KCNH2: variants seen among roughly 807,000 people sequenced by gnomAD.
KCNH2 encodes the protein voltage-gated inwardly rectifying potassium channel KCNH2.
Under a neutral mutation model 95.9 loss-of-function variants are expected in KCNH2, and 35 were observed. The observed-to-expected ratio is 0.37, with a 90% CI of 0.28 to 0.48. The LOEUF is 0.48. KCNH2 is among the 20% of genes least tolerant of loss of function. The pLI, the probability that KCNH2 is intolerant of heterozygous loss-of-function variation, is 0.99. For missense variants in KCNH2, 1,274 were observed against 1,702.9 expected (o/e 0.75, Z 4.43); for synonymous variants, 786 against 754.7 (o/e 1.04, Z -0.68).
chr7:150,967,952 A>G (rs1013074614), intron 2 of KCNH2, among the ~76,000 whole-genome samples: 2 of 152,258 alleles, frequency 1.3e-5, no homozygotes, highest in African/African-American at 4.8e-5. Flanking sequence ...AAAGACGGCG[A>G]CGTCAAAATT....
chr7:150,977,067 A>G (rs1801997491), intron 1 of KCNH2, among the ~76,000 whole-genome samples: 1 of 152,106 alleles, frequency 6.6e-6, no homozygotes, highest in Admixed American at 6.5e-5. Context: ...CATTTGCCTA[A>G]TCTGGGACCC....
At chr7:150,955,464 G>C (rs771048971) in intron 5 of KCNH2, 2 of 1,561,218 alleles carry the variant, frequency 1.3e-6, no homozygotes, top group African/African-American at 1.4e-5. Context: ...CTGGGCCGCA[G>C]AGCCCCTGTC....
chr7:150,947,064 G>A lies in KCNH2; in HGVS notation c.3153-10C>T. The A allele has an allele frequency of 6.6e-7, 1 of 1,521,034 alleles. No individual in the cohort carries two copies. Among genetic ancestry groups the A allele is most frequent in the Non-Finnish European group, 8.9e-7 (1 of 1,123,652 alleles). 94.2% of individuals were successfully genotyped at this position (1,521,034 alleles called of 1,614,324 possible). On this transcript the variant is annotated splice_polypyrimidine_tract_variant and intron_variant, in intron 13 of 14. Coordinates refer to ENST00000262186, the MANE Select transcript of KCNH2 (RefSeq NM_000238.4). ...CAGCCGGGTCTCCAGCCTGGGGCAG[G>A]AAGTGGGGGATGCTCAGAGAAGTGG...
In KCNH2 at chr7:150,946,946, G is replaced by A. The variant is rs1584841732; in HGVS notation, c.3261C>T (p.Gly1087=). ...GCAACAGCGGGGATGTGGAAGTGGGGCCAGGCCCCGGGGTGGTCACAGCAC... is the reference window on the plus strand; with the variant it reads ...GCAACAGCGGGGATGTGGAAGTGGGACCAGGCCCCGGGGTGGTCACAGCAC... ...AYSAVTTPGP[G]PTSTSPLLPV... The change falls in exon 14 of 15, where the codon GGC becomes GGT. Residue 1087 remains glycine (G), a synonymous_variant. Coordinates refer to ENST00000262186, the MANE Select transcript of KCNH2 (RefSeq NM_000238.4). The surrounding 1 kb of genome is among the most constrained non-coding windows in gnomAD (Gnocchi z 6.5). 6.2e-7 allele frequency: 1 copy of A among 1,604,258 alleles called. No individual in the cohort carries two copies. Among genetic ancestry groups the A allele is most frequent in the South Asian group, 1.1e-5 (1 of 90,030 alleles).
At chr7:150,953,673 T>C (rs987021157) in intron 5 of KCNH2, among the ~76,000 whole-genome samples, 1 of 152,168 alleles carries the variant, frequency 6.6e-6, no homozygotes, top group African/African-American at 2.4e-5. Flanking sequence ...CACGTCCCTC[T>C]TGCTCCCAAG....
intron 5 of KCNH2, among the ~76,000 whole-genome samples, chr7:150,956,155 C>T (rs897046886): frequency 3.9e-5 from 6 of 152,128 alleles, no homozygotes; most frequent in East Asian, 1.9e-4. Context: ...CCGCAACTCA[C>T]GGGCACATGC....
At chr7:150,969,475 G>A (rs1801784370) in intron 2 of KCNH2, among the ~76,000 whole-genome samples, 1 of 142,660 alleles carries the variant, frequency 7.0e-6, no homozygotes. Context: ...GTGAAGCTGG[G>A]AGCCCCCAGA....
At chr7:150,959,041 C>A (rs1801479383) in intron 3 of KCNH2, among the ~76,000 whole-genome samples, 1 of 152,208 alleles carries the variant, frequency 6.6e-6, no homozygotes. Context: ...GGAAGGGGCT[C>A]CGAGCCTTTG....
At chr7:150,956,262 C>T (rs1217134572) in intron 5 of KCNH2, among the ~76,000 whole-genome samples, 2 of 152,076 alleles carry the variant, frequency 1.3e-5, no homozygotes, top group Non-Finnish European at 2.9e-5. Context: ...CAGATAAGGG[C>T]CTGGGGTGAG....
rs919504706 is a variant in KCNH2 at position 150,961,571 on chromosome 7, A to T, written c.308-1835T>A. 6.6e-6 allele frequency among the ~76,000 whole-genome samples: 1 copy of T among 152,056 alleles called. No individual in the cohort carries two copies. Among genetic ancestry groups the T allele is most frequent in the African/African-American group, 2.4e-5 (1 of 41,392 alleles). On this transcript the variant is annotated intron_variant, in intron 2 of 14. Transcript: ENST00000262186. The surrounding 1 kb of genome is among the most constrained non-coding windows in gnomAD (Gnocchi z 6.2). ...TGCCTCGGCCTCCCAAAGTGCAAGGATTACAGGTGTGAGCCACCGCACCCA... is the reference window on the plus strand; with the variant it reads ...TGCCTCGGCCTCCCAAAGTGCAAGGTTTACAGGTGTGAGCCACCGCACCCA...
At chr7:150,963,734 G>A (rs926170905) in intron 2 of KCNH2, among the ~76,000 whole-genome samples, 2 of 152,190 alleles carry the variant, frequency 1.3e-5, no homozygotes, top group South Asian at 2.1e-4. Flanking sequence ...AACCATCCCT[G>A]CACAGGCTCC....
chr7:150,949,105 C>T, intron 9 of KCNH2, 56 bp from the exon 10 acceptor site: 1 of 1,501,082 alleles, frequency 6.7e-7, no homozygotes. Flanking sequence ...ATCCAGGCAG[C>T]AGGCACCTTC....
Position 150,947,039 on chromosome 7 carries a change from C to A in KCNH2, c.3168G>T (p.Leu1056=). Residue 1056 remains leucine (L), a synonymous_variant, in exon 14 of 15, where the codon CTG becomes CTT. Coordinates refer to ENST00000262186, the MANE Select transcript of KCNH2 (RefSeq NM_000238.4). ...GCAGGACAGTGGCCATGTCTGCACTCAGCCGGGTCTCCAGCCTGGGGCAGG... is the reference window on the plus strand; with the variant it reads ...GCAGGACAGTGGCCATGTCTGCACTAAGCCGGGTCTCCAGCCTGGGGCAGG... ...QRQLNRLETR[L]SADMATVLQL... The A allele has an allele frequency of 6.2e-7, 1 of 1,602,172 alleles. No homozygotes were observed. The highest frequency in any genetic ancestry group is 1.8e-4 in the Middle Eastern group (1 of 5,696).
Position 150,959,661 on chromosome 7 carries a change from T to C in KCNH2, c.383A>G (p.Asn128Ser), listed in dbSNP as rs200343670. ...GTCCTTCTCCATCACCACCTCGAAA[T>C]TGAGGATGAACATGATGACAGCCCC... ...EDGAVIMFILNFEVVMEKDMV... is the reference protein window; with the variant it reads ...EDGAVIMFILSFEVVMEKDMV... The change falls in exon 3 of 15, where the codon AAT becomes AGT. Residue 128 changes from asparagine (N) to serine (S), a missense_variant. By Grantham distance (46) the Asn-to-Ser change is conservative. Transcript: ENST00000262186. 27 of 1,613,958 alleles carry C rather than the reference T, an allele frequency of 1.7e-5. No individual in the cohort carries two copies. Among genetic ancestry groups the C allele is most frequent in the African/African-American group, 5.3e-5 (4 of 74,886 alleles).
intron 10 of KCNH2, 124 bp downstream of exon 10, chr7:150,948,732 T>C: frequency 9.0e-7 from 1 of 1,108,826 alleles, no homozygotes; most frequent in Non-Finnish European, 1.4e-6. Flanking sequence ...GGCTGCTCTA[T>C]GATACCATTT....
At position 150,947,844 on chromosome 7, in the gene KCNH2, C is replaced by T; in HGVS notation, c.2727G>A (p.Gly909=). Residue 909 remains glycine (G), a synonymous_variant, in exon 12 of 15, where the codon GGG becomes GGA. Coordinates refer to ENST00000262186, the MANE Select transcript of KCNH2 (RefSeq NM_000238.4). ...TEQPGEVSAL[G]PGRAGAGPSS... is the part of the protein sequence containing the mutation. ...TCGGCCCTGCCCCCGCCCGGCCCGGCCCCAAGGCCGACACCTCCCCTGGCT... is the reference window on the plus strand; with the variant it reads ...TCGGCCCTGCCCCCGCCCGGCCCGGTCCCAAGGCCGACACCTCCCCTGGCT... 1 of 1,526,982 alleles carries T rather than the reference C, an allele frequency of 6.5e-7. No individual in the cohort carries two copies. The allele number at this position is 1,526,982 out of a possible 1,614,324, so 94.6% of individuals were successfully genotyped here.
intron 2 of KCNH2, 62 bp from the exon 3 acceptor site, chr7:150,959,798 G>A (rs551503705): frequency 2.1e-5 from 33 of 1,596,544 alleles, no homozygotes; most frequent in Middle Eastern, 1.7e-4. Flanking sequence ...AGAAAGCCAC[G>A]CAGGATGGAC....
intron 2 of KCNH2, among the ~76,000 whole-genome samples, chr7:150,974,097 C>A (rs942016043): frequency 6.6e-6 from 1 of 152,158 alleles, no homozygotes; most frequent in Non-Finnish European, 1.5e-5. Flanking sequence ...AGACACCTGG[C>A]GCAGGAGAGG....
intron 10 of KCNH2, 94 bp from the exon 11 acceptor site, chr7:150,948,637 G>A: frequency 7.8e-7 from 1 of 1,274,880 alleles, no homozygotes; most frequent in Non-Finnish European, 1.1e-6. Flanking sequence ...AAAAAGTAGG[G>A]CTGGGCGCCC....
Sources: allele counts gnomAD v4.1 joint callset (sites outside exome capture counted in the v4.1 genomes callset), GRCh38; gene constraint gnomAD v4.1.1; non-coding constraint Gnocchi (gnomAD v3.1); transcripts MANE v1.5; gene names NCBI Gene and HGNC (gene_info 2026-07-23, HGNC 2026-07-21).